PNPLA7: variants seen among roughly 807,000 people sequenced by gnomAD.
PNPLA7 encodes patatin like domain 7, lysophospholipase.
A neutral mutation model predicts 161.7 loss-of-function variants in PNPLA7; 153 were observed. The observed-to-expected ratio is 0.95, with a 90% CI of 0.83 to 1.08. The LOEUF is 1.08. Ranked by LOEUF, PNPLA7 falls within the 50% of genes least tolerant of loss-of-function variation. PNPLA7 has a pLI of 0.00. For missense variants in PNPLA7, 1,739 were observed against 1,856.6 expected, an observed-to-expected ratio of 0.94 and a Z score of 1.16; for synonymous variants, 809 against 782.1, an observed-to-expected ratio of 1.03 and a Z score of -0.57.
chr9:137,503,795 GA>G (rs1481231350), intron 14 of PNPLA7, among the ~76,000 whole-genome samples: 15 of 214 alleles, frequency 0.07, no homozygotes, highest in African/African-American at 0.076. Flanking sequence ...AGAGAATGAA[GA>G]AGAAGGAAGA....
chr9:137,548,964 G>T (rs139052151), intron 1 of PNPLA7, among the ~76,000 whole-genome samples: 1 of 152,198 alleles, frequency 6.6e-6, no homozygotes, highest in Non-Finnish European at 1.5e-5. Flanking sequence ...CTACGACCAT[G>T]TCCCTCACTT....
In PNPLA7 at chr9:137,547,701, T is replaced by C; in HGVS notation, c.31-42A>G. The C allele has an allele frequency of 6.3e-7, 1 of 1,591,988 alleles. No individual in the cohort carries two copies. The highest frequency in any genetic ancestry group is 1.1e-5 in the South Asian group (1 of 90,684). ...GGGGTCAGGTGGGCATGGACAGGCT[T>C]CCCAGCCCGAACTTGTTCAGAGCAG... On this transcript the variant is annotated intron_variant, in intron 1 of 34. Coordinates refer to ENST00000406427, the MANE Select transcript of PNPLA7 (RefSeq NM_001098537.3). This position sits in a 1 kb window ranked among gnomAD's most constrained non-coding sequence, Gnocchi z 4.6.
chr9:137,477,883 C>T (rs1832013847), intron 25 of PNPLA7, 151 bp downstream of exon 25: 7 of 549,602 alleles, frequency 1.3e-5, no homozygotes, highest in East Asian at 1.0e-4. Flanking sequence ...GAGGACAGGC[C>T]GGGGTGGAGG....
chr9:137,463,831 C>G (rs1831336325), intron 28 of PNPLA7, among the ~76,000 whole-genome samples: 1 of 152,102 alleles, frequency 6.6e-6, no homozygotes, highest in South Asian at 2.1e-4. Context: ...AGCCCCTCAC[C>G]CCAGGACTCA....
intron 8 of PNPLA7, among the ~76,000 whole-genome samples, chr9:137,536,256 C>T (rs1835884079): frequency 6.6e-6 from 1 of 152,098 alleles, no homozygotes; most frequent in Admixed American, 6.5e-5. Flanking sequence ...ACCTCCCTGG[C>T]ATCCTGTCTC....
chr9:137,492,945 T>G (rs1588591713), intron 20 of PNPLA7, 68 bp downstream of exon 20: 1 of 961,824 alleles, frequency 1.0e-6, no homozygotes, highest in Non-Finnish European at 1.3e-6. Context: ...GGCCATGGGC[T>G]GGGTGGGCGG....
intron 14 of PNPLA7, among the ~76,000 whole-genome samples, chr9:137,503,050 T>C (rs1054188990): frequency 2.0e-5 from 3 of 151,986 alleles, no homozygotes; most frequent in African/African-American, 7.3e-5. Context: ...CTATTCTATA[T>C]AGTTTTGAAT....
chr9:137,467,579 A>G lies in PNPLA7; in HGVS notation c.2883-106T>C. 1.4e-6 allele frequency: 2 copies of G among 1,405,074 alleles called. No homozygotes were observed. The highest frequency in any genetic ancestry group is 1.9e-6 in the Non-Finnish European group (2 of 1,038,378). 87.0% of individuals were successfully genotyped at this position (1,405,074 alleles called of 1,614,324 possible). On this transcript the variant is annotated intron_variant, in intron 25 of 34. Transcript: ENST00000406427. This position sits in a 1 kb window ranked among gnomAD's most constrained non-coding sequence, Gnocchi z 5.1. The stretch of plus-strand genomic sequence containing the variant: ...GTTCCCAACTCCTCCACAGGCAGAG[A>G]CGCTGACGCAGAGAGGGACTCCAGA...
intron 26 of PNPLA7, 188 bp from the exon 27 acceptor site, chr9:137,464,644 C>G (rs1242355138): frequency 1.6e-6 from 1 of 609,624 alleles, no homozygotes; most frequent in Non-Finnish European, 2.9e-6. Flanking sequence ...GGTGGTCGCC[C>G]CAGGGCCTGA....
rs1834957023 is a variant in PNPLA7 at position 137,520,958 on chromosome 9, G to C, written c.957+678C>G. 6.6e-6 allele frequency among the ~76,000 whole-genome samples: 1 copy of C among 152,052 alleles called. No homozygotes were observed. Among genetic ancestry groups the C allele is most frequent in the Non-Finnish European group, 1.5e-5 (1 of 67,996 alleles). On this transcript the variant is annotated intron_variant, in intron 10 of 34. Coordinates refer to ENST00000406427, the MANE Select transcript of PNPLA7 (RefSeq NM_001098537.3). This position sits in a 1 kb window ranked among gnomAD's most constrained non-coding sequence, Gnocchi z 5.2. ...CAGCCTCTGCTGGACGCGGACGTAG[G>C]GACCCCACGGGACGGGCATGGGGAG...
chr9:137,547,014 C>A lies in PNPLA7; in HGVS notation c.194-105G>T. 1 of 1,089,754 alleles carries A rather than the reference C, an allele frequency of 9.2e-7. No individual in the cohort carries two copies. The highest frequency in any genetic ancestry group is 1.4e-6 in the Non-Finnish European group (1 of 726,900). 67.5% of individuals were successfully genotyped at this position (1,089,754 alleles called of 1,614,324 possible). A position where few individuals can be genotyped will look rare whatever the true frequency, so the allele number is the denominator to read the frequency against. ...GTCATACTCTCGTCCCTGCCAGTAA[C>A]TGGCCATACTCAGACAGCATGAGGG... On this transcript the variant is annotated intron_variant, in intron 3 of 34. Coordinates refer to ENST00000406427, the MANE Select transcript of PNPLA7 (RefSeq NM_001098537.3). The surrounding 1 kb of genome is among the most constrained non-coding windows in gnomAD (Gnocchi z 4.6).
In PNPLA7 at chr9:137,547,462, G is replaced by T. The variant is rs2132667634; in HGVS notation, c.106-66C>A. 2.3e-5 allele frequency: 37 copies of T among 1,597,714 alleles called. No homozygotes were observed. The highest frequency in any genetic ancestry group is 3.0e-5 in the Non-Finnish European group (35 of 1,166,176). On this transcript the variant is annotated intron_variant, in intron 2 of 34. Transcript: ENST00000406427. This position sits in a 1 kb window ranked among gnomAD's most constrained non-coding sequence, Gnocchi z 4.6. ...CAAACCTAACCCTAGCCCTAAGCCT[G>T]CCCCCACCCCTGGCTGCCCAACCAC... is the stretch of plus-strand genomic sequence containing the variant.
chr9:137,484,434 T>C (rs375959886), intron 21 of PNPLA7, among the ~76,000 whole-genome samples, 153 bp downstream of exon 21: 76 of 152,348 alleles, frequency 5.0e-4, no homozygotes, highest in Middle Eastern at 3.4e-3. Flanking sequence ...ATTTAACAGC[T>C]GCCAGCAATT....
Position 137,462,259 on chromosome 9 carries a change from T to C in PNPLA7, c.3565A>G (p.Ser1189Gly). Residue 1189 changes from serine to glycine, a missense_variant, in exon 31 of 35, where the codon AGC (serine) becomes GGC (glycine). Around this residue, in one of 6 missense-constraint regions of PNPLA7, gnomAD observed 703 missense variants for 694.6 expected, o/e 1.01. Transcript: ENST00000406427. ...CGCAGGTACTCGCAGTAGTCACTGC[T>C]CTTCACCACCTCCAGCTGCCGCACG... is the stretch of plus-strand genomic sequence containing the variant. Reference protein sequence around the residue: ...CCVRQLEVVKSSDYCEYLRPP... With the variant: ...CCVRQLEVVKGSDYCEYLRPP... The C allele has an allele frequency of 6.2e-7, 1 of 1,611,786 alleles. No individual in the cohort carries two copies.
At position 137,464,349 on chromosome 9, in the gene PNPLA7, C is replaced by T. The variant is rs767127927; in HGVS notation, c.3147G>A (p.Gln1049=). 13 of 1,613,570 alleles carry T rather than the reference C, an allele frequency of 8.1e-6. No individual in the cohort carries two copies. The Admixed American group carries it at 1.8e-4, about 23-fold the overall frequency. ...GAGGGTGGGGGTGCACCTCGATCTGCTGGTCCTTGAAGACGCTGAAGATGC... is the reference window on the plus strand; with the variant it reads ...GAGGGTGGGGGTGCACCTCGATCTGTTGGTCCTTGAAGACGCTGAAGATGC... ...NSSIFSVFKD[Q]QIEDLWIPYF... The change falls in exon 27 of 35, where the codon CAG becomes CAA. Residue 1049 remains glutamine, a synonymous_variant. Coordinates refer to ENST00000406427, the MANE Select transcript of PNPLA7 (RefSeq NM_001098537.3).
Position 137,463,410 on chromosome 9 carries a change from A to G in PNPLA7, c.3343+5T>C, listed in dbSNP as rs1384622977. 2.5e-6 allele frequency: 4 copies of G among 1,599,352 alleles called. No homozygotes were observed. The highest frequency in any genetic ancestry group is 8.5e-7 in the Non-Finnish European group (1 of 1,172,568). On this transcript the variant is annotated splice_donor_5th_base_variant and intron_variant, in intron 29 of 34. Transcript: ENST00000406427. ...CTGCCGGGCGTGGTCCCCCCACCGC[A>G]GTACCTGGGAGGTTGTTGATGTAGC... is the stretch of plus-strand genomic sequence containing the variant.
At chr9:137,494,567 T>C (rs183977540) in intron 19 of PNPLA7, among the ~76,000 whole-genome samples, 19 of 150,556 alleles carry the variant, frequency 1.3e-4, no homozygotes, top group African/African-American at 4.2e-4. Flanking sequence ...TCACCTGCTC[T>C]GCGCCCTCAC....
At chr9:137,480,272 G>C (rs764522410) in intron 23 of PNPLA7, 40 bp downstream of exon 23, 1 of 1,591,052 alleles carries the variant, frequency 6.3e-7, no homozygotes, top group Non-Finnish European at 8.5e-7. Context: ...GTTCTGAAGA[G>C]AGGGCTCTCC....
Position 137,540,630 on chromosome 9 carries a change from C to CG in PNPLA7, c.747+11dup, listed in dbSNP as rs1836145165. 8.7e-6 allele frequency: 14 copies of CG among 1,605,254 alleles called. No homozygotes were observed. The highest frequency in any genetic ancestry group is 1.2e-5 in the Non-Finnish European group (14 of 1,176,516). On this transcript the variant is annotated intron_variant, in intron 8 of 34. Coordinates refer to ENST00000406427, the MANE Select transcript of PNPLA7 (RefSeq NM_001098537.3). This position sits in a 1 kb window ranked among gnomAD's most constrained non-coding sequence, Gnocchi z 5.1. ...CAGGGGCGCCCGGAGGGCCAGGCAG[C>CG]GGGGGACTCACGGTGATGATGTCCA...
Sources: gnomAD v4.1 joint callset for allele counts (sites outside exome capture counted in the v4.1 genomes callset) on GRCh38, gnomAD v4.1.1 for gene constraint, gnomAD v4.1.1 regional missense constraint, Gnocchi (gnomAD v3.1) non-coding constraint, MANE v1.5 for transcripts, NCBI Gene and HGNC (gene_info 2026-07-23, HGNC 2026-07-21) for gene names.